The following CCSER1 variants were observed in gnomAD, a reference collection of about 807,000 sequenced individuals.
CCSER1 encodes serine-rich coiled-coil domain-containing protein 1.
CCSER1 carries 41 observed loss-of-function variants against 82.0 expected under a neutral mutation model. That is an observed-to-expected ratio of 0.50 (90% CI 0.39 to 0.65). The LOEUF is 0.65. Ranked by LOEUF, CCSER1 falls within the 30% of genes least tolerant of loss-of-function variation. CCSER1 has a pLI of 0.00. For synonymous variants in CCSER1, 414 were observed against 383.9 expected, an observed-to-expected ratio of 1.08 and a Z score of -0.92; for missense variants, 1,119 against 1,064.2, an observed-to-expected ratio of 1.05 and a Z score of -0.72.
intron 10 of CCSER1, among the ~76,000 whole-genome samples, chr4:91,498,950 T>G (rs1759069487): frequency 6.6e-6 from 1 of 151,960 alleles, no homozygotes; most frequent in African/African-American, 2.4e-5. Context: ...ATAATTTACT[T>G]ATTATGTTAA....
At chr4:90,979,407 T>TC (rs1401716624) in intron 9 of CCSER1, among the ~76,000 whole-genome samples, 2 of 151,768 alleles carry the variant, frequency 1.3e-5, no homozygotes, top group Non-Finnish European at 2.9e-5. Context: ...AAATATTTTA[T>TC]ATTTTAAATG....
At chr4:91,416,753 C>T (rs573362091) in intron 10 of CCSER1, among the ~76,000 whole-genome samples, 100 of 151,972 alleles carry the variant, frequency 6.6e-4, no homozygotes, top group African/African-American at 2.0e-3. Flanking sequence ...TGAAAACCTT[C>T]AAAGAAAATC....
At chr4:90,155,948 C>G (rs1488233010) in intron 1 of CCSER1, among the ~76,000 whole-genome samples, 1 of 151,830 alleles carries the variant, frequency 6.6e-6, no homozygotes, top group Non-Finnish European at 1.5e-5. Flanking sequence ...TTTTCTAGTT[C>G]TTTTAATTGT....
chr4:90,854,322 C>A (rs1764219138), intron 8 of CCSER1, among the ~76,000 whole-genome samples: 1 of 152,120 alleles, frequency 6.6e-6, no homozygotes, highest in African/African-American at 2.4e-5. Flanking sequence ...GGTACAGTAT[C>A]CATGCTGGAA....
intron 9 of CCSER1, among the ~76,000 whole-genome samples, chr4:90,990,276 C>A (rs975105722): frequency 1.3e-5 from 2 of 151,782 alleles, no homozygotes; most frequent in Admixed American, 6.6e-5. Context: ...CCTCTGTATC[C>A]CCTTAGGCCT....
intron 10 of CCSER1, among the ~76,000 whole-genome samples, chr4:91,464,873 C>G (rs1024747912): frequency 9.8e-5 from 15 of 152,300 alleles, no homozygotes; most frequent in Admixed American, 2.6e-4. Flanking sequence ...TAGAGACCTA[C>G]AAAGAGACTT....
intron 5 of CCSER1, among the ~76,000 whole-genome samples, chr4:90,483,283 G>A (rs1009819845): frequency 3.3e-5 from 5 of 152,130 alleles, no homozygotes; most frequent in African/African-American, 1.2e-4. Flanking sequence ...CATGAGATGG[G>A]TCTCCTGAAT....
At position 90,603,205 on chromosome 4, in the gene CCSER1, G is replaced by A. The variant is rs9992242; in HGVS notation, c.1725-24820G>A. On this transcript the variant is annotated intron_variant, in intron 5 of 10. Transcript: ENST00000509176. ...AGCGTATGCAGTGGCTGGAGGAGTA[G>A]GGCTAGCAAATGTTAGGCCCATTAT... 6.7e-3 allele frequency among the ~76,000 whole-genome samples: 1,027 copies of A among 152,322 alleles called. 9 individuals are homozygous for A. The highest frequency in any genetic ancestry group is 0.023 in the African/African-American group (975 of 41,568).
chr4:90,446,339 A>C (rs1760647435), intron 4 of CCSER1, among the ~76,000 whole-genome samples: 1 of 152,176 alleles, frequency 6.6e-6, no homozygotes, highest in Admixed American at 6.6e-5. Context: ...CATTATGTAG[A>C]TTATATGACT....
At chr4:90,620,889 C>G (rs1274435289) in intron 5 of CCSER1, among the ~76,000 whole-genome samples, 2 of 152,194 alleles carry the variant, frequency 1.3e-5, no homozygotes, top group African/African-American at 2.4e-5. Context: ...TCTCAGCTCA[C>G]TGCAACCTCC....
rs545052936 is a variant in CCSER1, at chr4:90,764,263, AGAT to A, written c.2010+40276_2010+40278del. 2.2e-4 allele frequency among the ~76,000 whole-genome samples: 33 copies of A among 152,320 alleles called. No individual in the cohort carries two copies. In the East Asian group the frequency reaches 6.2e-3, roughly 28 times the overall value. On this transcript the variant is annotated intron_variant, in intron 7 of 10. Transcript: ENST00000509176. ...ATAAAAAAAAGAGAAGTACTTCAGGAGATGATACCACCAAACAGAATGTGTTTT... is the reference window on the plus strand; with the variant it reads ...ATAAAAAAAAGAGAAGTACTTCAGGAGATACCACCAAACAGAATGTGTTTT...
At chr4:90,739,203 G>T (rs1254335079) in intron 7 of CCSER1, among the ~76,000 whole-genome samples, 1 of 152,170 alleles carries the variant, frequency 6.6e-6, no homozygotes. Flanking sequence ...CCAGGACTGG[G>T]TCCTTCCCTT....
intron 10 of CCSER1, among the ~76,000 whole-genome samples, chr4:91,338,761 G>T (rs1278089769): frequency 6.6e-6 from 1 of 152,034 alleles, no homozygotes; most frequent in Non-Finnish European, 1.5e-5. Flanking sequence ...GTATCATGTG[G>T]GTTAAAATTT....
At chr4:90,287,967 CA>C (rs33982816) in intron 1 of CCSER1, among the ~76,000 whole-genome samples, 13,606 of 151,376 alleles carry the variant, frequency 0.09, 1,331 homozygotes, top group East Asian at 0.25. Context: ...TGAACAACAA[CA>C]AAAAAAACCC....
intron 1 of CCSER1, among the ~76,000 whole-genome samples, chr4:90,128,648 C>T (rs1365904886): frequency 1.3e-5 from 2 of 152,054 alleles, no homozygotes; most frequent in East Asian, 1.9e-4. Flanking sequence ...CTCGTACACA[C>T]GGTGCCAGCA....
chr4:91,289,885 A>G (rs1743614042), intron 10 of CCSER1, among the ~76,000 whole-genome samples: 1 of 152,094 alleles, frequency 6.6e-6, no homozygotes, highest in South Asian at 2.1e-4. Flanking sequence ...CAAACAGATA[A>G]AAAACAATAA....
chr4:90,216,823 G>A (rs575366511), intron 1 of CCSER1, among the ~76,000 whole-genome samples: 122 of 152,178 alleles, frequency 8.0e-4, no homozygotes, highest in Non-Finnish European at 1.4e-3. Context: ...AATGATGTTG[G>A]TCACTTGGCA....
At chr4:91,103,378 TA>T (rs1229083729) in intron 10 of CCSER1, among the ~76,000 whole-genome samples, 2 of 152,154 alleles carry the variant, frequency 1.3e-5, no homozygotes, top group Non-Finnish European at 2.9e-5. Flanking sequence ...CATCCTCACC[TA>T]TATGTCATCG....
intron 5 of CCSER1, among the ~76,000 whole-genome samples, chr4:90,595,460 C>T (rs1783216821): frequency 6.6e-6 from 1 of 151,814 alleles, no homozygotes; most frequent in Non-Finnish European, 1.5e-5. Context: ...TCTGGATTAA[C>T]CTTCATAATA....
Sources: allele counts gnomAD v4.1 joint callset (sites outside exome capture counted in the v4.1 genomes callset), GRCh38; gene constraint gnomAD v4.1.1; transcripts MANE v1.5; gene names NCBI Gene and HGNC (gene_info 2026-07-23, HGNC 2026-07-21).